Variants in CUX2 observed in about 807,000 individuals in gnomAD.
CUX2 encodes the protein cut like homeobox 2, also known as homeobox protein cut-like 2.
In CUX2, 40 loss-of-function variants were observed where a neutral mutation model predicts 144.8. That is an observed-to-expected ratio of 0.28 (90% CI 0.21 to 0.36). The LOEUF is 0.36. Ranked by LOEUF, CUX2 falls within the 10% of genes least tolerant of loss-of-function variation. The pLI, the probability that CUX2 is intolerant of heterozygous loss-of-function variation, is 1.00. For synonymous variants in CUX2, 827 were observed against 875.6 expected, an observed-to-expected ratio of 0.94 and a Z score of 0.98; for missense variants, 1,615 against 1,994.0, an observed-to-expected ratio of 0.81 and a Z score of 3.62.
Position 111,109,389 on chromosome 12 carries a change from C to T in CUX2, c.63+75149C>T, listed in dbSNP as rs184225640. On this transcript the variant is annotated intron_variant, in intron 1 of 21. Coordinates refer to ENST00000261726, the MANE Select transcript of CUX2 (RefSeq NM_015267.4). Reference sequence around the variant, plus strand: ...GAGTTTTAAAAAATATCATTGTAAGCCCATAGTTGCAAGTGTAACAGAAGT... The same window carrying T: ...GAGTTTTAAAAAATATCATTGTAAGTCCATAGTTGCAAGTGTAACAGAAGT... 4.2e-3 allele frequency among the ~76,000 whole-genome samples: 645 copies of T among 152,310 alleles called. 25 individuals are homozygous for T. The highest frequency in any genetic ancestry group is 0.038 in the Admixed American group (575 of 15,292).
At chr12:111,244,857 A>G (rs1320216933) in intron 3 of CUX2, among the ~76,000 whole-genome samples, 1 of 152,242 alleles carries the variant, frequency 6.6e-6, no homozygotes, top group Non-Finnish European at 1.5e-5. Flanking sequence ...ACCAGATTTC[A>G]TTGCTGTGCA....
chr12:111,040,340 A>T (rs116381825), intron 1 of CUX2, among the ~76,000 whole-genome samples: 195 of 151,392 alleles, frequency 1.3e-3, no homozygotes, highest in African/African-American at 4.5e-3. Flanking sequence ...TAAAATTCAA[A>T]TTTTTTTTCC....
chr12:111,195,135 G>C (rs73197960), intron 1 of CUX2, among the ~76,000 whole-genome samples: 4,437 of 152,294 alleles, frequency 0.029, 76 homozygotes, highest in South Asian at 0.081. Context: ...CTCTCATTCA[G>C]ACAAGGCCTT....
intron 18 of CUX2, among the ~76,000 whole-genome samples, chr12:111,326,937 G>A (rs549778615): frequency 9.3e-4 from 141 of 152,064 alleles, no homozygotes; most frequent in Non-Finnish European, 1.7e-3. Context: ...ATCACATAAC[G>A]TAAAATGTAC....
chr12:111,313,410 C>G (rs187225789), intron 16 of CUX2, among the ~76,000 whole-genome samples: 3 of 150,694 alleles, frequency 2.0e-5, no homozygotes, highest in Non-Finnish European at 3.0e-5. Flanking sequence ...GAGGCCGAGG[C>G]GGGCGGATCA....
chr12:111,124,484 G>T (rs931391495), intron 1 of CUX2, among the ~76,000 whole-genome samples: 1 of 152,142 alleles, frequency 6.6e-6, no homozygotes, highest in Admixed American at 6.5e-5. Flanking sequence ...ACCCTTTCTG[G>T]ATTGGGGCTC....
chr12:111,069,533 T>TGTGTGTGTGTGTGTGTGCGCGCGC lies in CUX2; in HGVS notation c.63+35310_63+35311insCGCGCGCGTGTGTGTGTGTGTGTG, dbSNP rs1555266237. Among the ~76,000 whole-genome samples, 62 of 148,258 alleles carry TGTGTGTGTGTGTGTGTGCGCGCGC rather than the reference T, an allele frequency of 4.2e-4. No individual in the cohort carries two copies. The South Asian group carries it at 5.9e-3, about 14-fold the overall frequency. ...CAAAGCCTTGCTCTGTGTGTGTGTG[T>TGTGTGTGTGTGTGTGTGCGCGCGC]GTGTGTGTGTGTGTGTGTGCGCGCG... is the stretch of plus-strand genomic sequence containing the variant. On this transcript the variant is annotated intron_variant, in intron 1 of 21. Transcript: ENST00000261726.
intron 1 of CUX2, among the ~76,000 whole-genome samples, chr12:111,189,758 C>T (rs1446124715): frequency 2.0e-5 from 3 of 152,068 alleles, no homozygotes; most frequent in South Asian, 2.1e-4. Flanking sequence ...TTGCATTGCT[C>T]TTAGGTTCTC....
At chr12:111,308,760 G>A (rs1453679998) in intron 14 of CUX2, among the ~76,000 whole-genome samples, 1 of 152,182 alleles carries the variant, frequency 6.6e-6, no homozygotes, top group African/African-American at 2.4e-5. Flanking sequence ...CCCCTAAAGA[G>A]CTCCACTCCC....
intron 1 of CUX2, among the ~76,000 whole-genome samples, chr12:111,147,587 G>T (rs996673053): frequency 1.3e-5 from 2 of 152,170 alleles, no homozygotes; most frequent in African/African-American, 2.4e-5. Context: ...CTCATAGGTT[G>T]GGGGCCCCCA....
intron 20 of CUX2, among the ~76,000 whole-genome samples, chr12:111,341,334 A>T (rs951002254): frequency 6.6e-6 from 1 of 152,066 alleles, no homozygotes; most frequent in Non-Finnish European, 1.5e-5. Flanking sequence ...GGTGGTTCAC[A>T]CCTGTAATCC....
chr12:111,267,810 T>TTC lies in CUX2; in HGVS notation c.301+3984_301+3985dup, dbSNP rs1020476680. Among the ~76,000 whole-genome samples, 25 of 151,744 alleles carry TTC rather than the reference T, an allele frequency of 1.6e-4. 1 individual carries two copies. Among genetic ancestry groups the TTC allele is most frequent in the African/African-American group, 4.6e-4 (19 of 41,410 alleles). Reference sequence around the variant, plus strand: ...ATCTTTGTCTCAATCTCCCTCTCCTTTCTCTCTCTCTCTCCTTTTAAAAAA... The same window carrying TTC: ...ATCTTTGTCTCAATCTCCCTCTCCTTTCTCTCTCTCTCTCTCCTTTTAAAAAA... On this transcript the variant is annotated intron_variant, in intron 4 of 21. Coordinates refer to ENST00000261726, the MANE Select transcript of CUX2 (RefSeq NM_015267.4).
intron 9 of CUX2, 82 bp downstream of exon 9, chr12:111,298,671 G>C: frequency 6.8e-6 from 9 of 1,313,952 alleles, no homozygotes; most frequent in Non-Finnish European, 9.6e-6. Flanking sequence ...TGAGGAGGAA[G>C]GGACTGAGCT....
At chr12:111,159,750 C>T (rs540099202) in intron 1 of CUX2, among the ~76,000 whole-genome samples, 1 of 152,164 alleles carries the variant, frequency 6.6e-6, no homozygotes, top group Non-Finnish European at 1.5e-5. Flanking sequence ...GGAGGCCAGG[C>T]GCAGTGGGTC....
chr12:111,298,948 A>C (rs1886151553), intron 9 of CUX2, among the ~76,000 whole-genome samples: 1 of 152,214 alleles, frequency 6.6e-6, no homozygotes, highest in Non-Finnish European at 1.5e-5. Context: ...AAATGACAGC[A>C]TATCTAGGCA....
chr12:111,318,097 A>G (rs10849932), intron 16 of CUX2, among the ~76,000 whole-genome samples: 37,039 of 151,678 alleles, frequency 0.24, 6,425 homozygotes, highest in East Asian at 0.68. Flanking sequence ...TTTTTGAGAT[A>G]GGCTCTCACT....
At position 111,034,320 on chromosome 12, in the gene CUX2, G is replaced by A; in HGVS notation, c.63+80G>A. Reference sequence around the variant, plus strand: ...GGGCGCATTGGGGAGGTCCCCGGGCGGGCAGGCGGACGCCCTGGGGCGGCG... The same window carrying A: ...GGGCGCATTGGGGAGGTCCCCGGGCAGGCAGGCGGACGCCCTGGGGCGGCG... On this transcript the variant is annotated intron_variant, in intron 1 of 21. Coordinates refer to ENST00000261726, the MANE Select transcript of CUX2 (RefSeq NM_015267.4). This position sits in a 1 kb window ranked among gnomAD's most constrained non-coding sequence, Gnocchi z 4.2. The A allele has an allele frequency of 4.4e-6, 4 of 913,954 alleles. No homozygotes were observed. Among genetic ancestry groups the A allele is most frequent in the South Asian group, 7.7e-5 (2 of 25,886 alleles). 56.6% of individuals were successfully genotyped at this position (913,954 alleles called of 1,614,324 possible).
chr12:111,348,627 A>T lies in CUX2; in HGVS notation c.*302A>T, dbSNP rs1888928262. ...CTGAAAACTCCAAACTCTTTTAGAA[A>T]AATAAATAAATATTTATAGACCTCT... is the stretch of plus-strand genomic sequence containing the variant. On this transcript the variant is annotated 3_prime_UTR_variant, in exon 22 of 22. Transcript: ENST00000261726. The T allele has an allele frequency of 3.5e-6, 1 of 289,414 alleles. No homozygotes were observed. The highest frequency in any genetic ancestry group is 6.4e-6 in the Non-Finnish European group (1 of 156,166). 17.9% of individuals were successfully genotyped at this position (289,414 alleles called of 1,614,324 possible).
In CUX2 at chr12:111,289,865, G is replaced by T. The variant is rs1433312212; in HGVS notation, c.302-1553G>T. ...AATGCAGGGAGCAGGAAGGCTGGGAGAGCTCGCGGAGAGGTGGGGCAGCTG... is the reference window on the plus strand; with the variant it reads ...AATGCAGGGAGCAGGAAGGCTGGGATAGCTCGCGGAGAGGTGGGGCAGCTG... On this transcript the variant is annotated intron_variant, in intron 4 of 21. Coordinates refer to ENST00000261726, the MANE Select transcript of CUX2 (RefSeq NM_015267.4). The surrounding 1 kb of genome is among the most constrained non-coding windows in gnomAD (Gnocchi z 4.1). 6.6e-6 allele frequency among the ~76,000 whole-genome samples: 1 copy of T among 152,076 alleles called. No individual in the cohort carries two copies. The highest frequency in any genetic ancestry group is 2.4e-5 in the African/African-American group (1 of 41,390).
Sources: allele counts gnomAD v4.1 joint callset (sites outside exome capture counted in the v4.1 genomes callset), GRCh38; gene constraint gnomAD v4.1.1; non-coding constraint Gnocchi (gnomAD v3.1); transcripts MANE v1.5; gene names NCBI Gene and HGNC (gene_info 2026-07-23, HGNC 2026-07-21).